ZNF280C: variants seen among roughly 807,000 people sequenced by gnomAD.
The protein encoded by ZNF280C is zinc finger protein 280C.
In ZNF280C, 14 loss-of-function variants were observed where a neutral mutation model predicts 53.6. That is an observed-to-expected ratio of 0.26 (90% CI 0.17 to 0.41). The LOEUF is 0.41. Among genes scored for constraint, ZNF280C ranks in the 10% least tolerant of loss-of-function variants. ZNF280C has a pLI of 1.00. For synonymous variants in ZNF280C, 203 were observed against 181.1 expected, an observed-to-expected ratio of 1.12 and a Z score of -0.97; for missense variants, 416 against 547.1, an observed-to-expected ratio of 0.76 and a Z score of 2.39.
At chrX:130,268,479 GGCTGCCGCA>G (rs1274649568) in intron 1 of ZNF280C, among the ~76,000 whole-genome samples, 1 of 112,141 alleles carries the variant, frequency 8.9e-6, no homozygotes, top group South Asian at 3.7e-4. Flanking sequence ...GAGGTGAGAA[GGCTGCCGCA>G]GCTGCCGCGG....
chrX:130,248,872 G>A (rs996148524), intron 2 of ZNF280C, among the ~76,000 whole-genome samples: 1 of 112,306 alleles, frequency 8.9e-6, no homozygotes, highest in African/African-American at 3.2e-5. Flanking sequence ...GCGTATGTGC[G>A]CAAGTGGATC....
In ZNF280C at chrX:130,256,621, G is replaced by A. The variant is rs148890944; in HGVS notation, c.31+3798C>T. Among the ~76,000 whole-genome samples, 269 of 110,330 alleles carry A rather than the reference G, an allele frequency of 2.4e-3. 4 individuals are homozygous for A. The highest frequency in any genetic ancestry group is 0.011 in the East Asian group (39 of 3,488). On this transcript the variant is annotated intron_variant, in intron 2 of 18. Transcript: ENST00000370978. ...AGGGGACAAAGAAGTGGGGGGGCGC[G>A]GTAGCTCACGACCTTAATCCCAGCA...
intron 16 of ZNF280C, among the ~76,000 whole-genome samples, chrX:130,206,486 C>T (rs987656333): frequency 9.3e-6 from 1 of 107,977 alleles, no homozygotes; most frequent in Admixed American, 1.0e-4. Context: ...CCTGCCTCAG[C>T]CTTCCAAGTA....
rs1042379906 is a variant in ZNF280C at position 130,203,735 on chromosome X, G to A, written c.*1242C>T. 8.9e-6 allele frequency: 1 copy of A among 112,140 alleles called. No individual in the cohort carries two copies. The highest frequency in any genetic ancestry group is 3.2e-5 in the African/African-American group (1 of 30,878). 9.2% of individuals were successfully genotyped at this position (112,140 alleles called of 1,213,427 possible). ...TAGAATATTGGATAAAACTTTAAAT[G>A]AAAACATGAATAACTGACTTTGGGA... is the stretch of plus-strand genomic sequence containing the variant. On this transcript the variant is annotated 3_prime_UTR_variant, in exon 19 of 19. Coordinates refer to ENST00000370978, the MANE Select transcript of ZNF280C (RefSeq NM_017666.5).
At chrX:130,256,296 C>A (rs1368185717) in intron 2 of ZNF280C, among the ~76,000 whole-genome samples, 1 of 111,544 alleles carries the variant, frequency 9.0e-6, no homozygotes, top group Admixed American at 9.5e-5. Flanking sequence ...AAAGAAAGTC[C>A]CAGGACAAGA....
At chrX:130,209,745 A>G (rs777504851) in intron 15 of ZNF280C, 30 bp from the exon 16 acceptor site, 4 of 1,100,389 alleles carry the variant, frequency 3.6e-6, no homozygotes, top group Non-Finnish European at 5.0e-6. Context: ...ACAAGATTTT[A>G]TTAATTTTAT....
In ZNF280C at chrX:130,231,753, G is replaced by A. The variant is rs756272404; in HGVS notation, c.772-1026C>T. ...AAAAAAAAAATAGCTTAGGCTGGGTGTGGTGGCTCATGCCTATAATCCCAG... is the reference window on the plus strand; with the variant it reads ...AAAAAAAAAATAGCTTAGGCTGGGTATGGTGGCTCATGCCTATAATCCCAG... On this transcript the variant is annotated intron_variant, in intron 8 of 18. Coordinates refer to ENST00000370978, the MANE Select transcript of ZNF280C (RefSeq NM_017666.5). Among the ~76,000 whole-genome samples the A allele has an allele frequency of 1.1e-3, 127 of 111,636 alleles. 1 individual carries two copies. The highest frequency in any genetic ancestry group is 4.1e-3 in the African/African-American group (125 of 30,742).
chrX:130,205,139 A>G lies in ZNF280C; in HGVS notation c.2176T>C (p.Ser726Pro). ...TACCCAGTAGTGGGTTCAGAAGTTG[A>G]GGTACTTTTGGAAACTGAAATCAAA... is the stretch of plus-strand genomic sequence containing the variant. ...VIIENVSKST[S>P]TSEPTTGCSL... Residue 726 changes from serine (S) to proline (P), a missense_variant, in exon 18 of 19, where the codon TCA (serine) becomes CCA (proline). Ser to Pro is a moderately conservative substitution (Grantham distance 74, BLOSUM62 -1). Transcript: ENST00000370978. 1 of 1,203,984 alleles carries G rather than the reference A, an allele frequency of 8.3e-7. No homozygotes were observed. The highest frequency in any genetic ancestry group is 1.8e-5 in the South Asian group (1 of 54,785).
At chrX:130,233,890 A>G (rs2032304921) in intron 8 of ZNF280C, among the ~76,000 whole-genome samples, 1 of 110,695 alleles carries the variant, frequency 9.0e-6, no homozygotes, top group African/African-American at 3.3e-5. Flanking sequence ...AATACTAAAT[A>G]AAGCGTTAAA....
intron 13 of ZNF280C, among the ~76,000 whole-genome samples, chrX:130,216,402 T>C (rs1025056232): frequency 8.9e-6 from 1 of 112,220 alleles, no homozygotes; most frequent in African/African-American, 3.2e-5. Context: ...TAGTAAATTC[T>C]TGTGAGCATG....
chrX:130,258,008 C>T (rs1365509513), intron 2 of ZNF280C, among the ~76,000 whole-genome samples: 1 of 111,476 alleles, frequency 9.0e-6, no homozygotes, highest in East Asian at 2.8e-4. Flanking sequence ...ATCCCAGCTA[C>T]TTGGGATGCT....
intron 16 of ZNF280C, among the ~76,000 whole-genome samples, chrX:130,208,691 A>T (rs1472244907): frequency 9.3e-6 from 1 of 107,862 alleles, no homozygotes; most frequent in Non-Finnish European, 1.9e-5. Flanking sequence ...CTTTAAAAAT[A>T]GCATAATTTT....
At chrX:130,225,207 C>T (rs774258678) in intron 12 of ZNF280C, among the ~76,000 whole-genome samples, 6 of 110,643 alleles carry the variant, frequency 5.4e-5, no homozygotes, top group Non-Finnish European at 9.5e-5. Context: ...CACTCTGGAG[C>T]TTAGTAAAGC....
intron 2 of ZNF280C, among the ~76,000 whole-genome samples, chrX:130,255,158 T>G (rs1311472163): frequency 4.0e-5 from 4 of 100,631 alleles, no homozygotes; most frequent in African/African-American, 1.5e-4. Context: ...TTTTTTTTTT[T>G]GAGACGGAGT....
At chrX:130,262,324 C>T (rs957926877) in intron 1 of ZNF280C, among the ~76,000 whole-genome samples, 1 of 112,260 alleles carries the variant, frequency 8.9e-6, no homozygotes, top group African/African-American at 3.2e-5. Flanking sequence ...TCAAAAGCTA[C>T]AAGTGGTTAG....
At chrX:130,219,212 C>T (rs1309727857) in intron 13 of ZNF280C, among the ~76,000 whole-genome samples, 3 of 111,235 alleles carry the variant, frequency 2.7e-5, no homozygotes, top group Non-Finnish European at 5.7e-5. Flanking sequence ...GAGGGCCAGG[C>T]GTGGTGGCTC....
chrX:130,245,563 A>G (rs1181860397), intron 3 of ZNF280C, among the ~76,000 whole-genome samples: 1 of 111,734 alleles, frequency 8.9e-6, no homozygotes, highest in East Asian at 2.8e-4. Context: ...CCAAGTTTAG[A>G]GCCAAGAGAA....
chrX:130,227,395 A>G (rs974971411), intron 11 of ZNF280C, among the ~76,000 whole-genome samples: 1 of 111,335 alleles, frequency 9.0e-6, no homozygotes, highest in African/African-American at 3.3e-5. Context: ...GCATATCTAT[A>G]ATTTTCCCTA....
chrX:130,243,747 A>G, intron 4 of ZNF280C, 48 bp from the exon 5 acceptor site: 1 of 1,164,236 alleles, frequency 8.6e-7, no homozygotes, highest in South Asian at 1.9e-5. Context: ...CTATACAACC[A>G]ATTATATCAA....
Sources: gnomAD v4.1 joint callset for allele counts (sites outside exome capture counted in the v4.1 genomes callset) on GRCh38, gnomAD v4.1.1 for gene constraint, MANE v1.5 for transcripts, NCBI Gene and HGNC (gene_info 2026-07-23, HGNC 2026-07-21) for gene names.